Variants in TMTC1 observed in about 807,000 individuals in gnomAD.
TMTC1 encodes the protein protein O-mannosyl-transferase TMTC1.
A neutral mutation model predicts 104.8 loss-of-function variants in TMTC1; 73 were observed. The ratio of observed to expected loss-of-function variants is 0.70; its 90% CI spans 0.58 to 0.85. TMTC1 has a LOEUF of 0.85. Ranked by LOEUF, TMTC1 falls within the 40% of genes least tolerant of loss-of-function variation. TMTC1 has a pLI of 0.00. For synonymous variants in TMTC1, 434 were observed against 428.7 expected (o/e 1.01, Z -0.15); for missense variants, 1,035 against 1,096.1 (o/e 0.94, Z 0.79).
intron 4 of TMTC1, among the ~76,000 whole-genome samples, chr12:29,755,258 C>T (rs1943186833): frequency 1.3e-5 from 2 of 152,106 alleles, no homozygotes; most frequent in African/African-American, 4.8e-5. Context: ...TGGGTGCCTC[C>T]TAAAACTCTT....
intron 10 of TMTC1, among the ~76,000 whole-genome samples, chr12:29,544,089 C>T (rs1473765273): frequency 6.6e-6 from 1 of 151,846 alleles, no homozygotes; most frequent in Non-Finnish European, 1.5e-5. Context: ...ACTAAAAATA[C>T]AAAAATTAGC....
At chr12:29,761,573 G>A (rs1943349121) in intron 2 of TMTC1, among the ~76,000 whole-genome samples, 1 of 62,884 alleles carries the variant, frequency 1.6e-5, no homozygotes, top group African/African-American at 5.6e-5. Flanking sequence ...ACATATCCAT[G>A]CATTTCTCGT....
chr12:29,544,069 C>A (rs1188174082), intron 10 of TMTC1, among the ~76,000 whole-genome samples: 1 of 151,998 alleles, frequency 6.6e-6, no homozygotes, highest in Non-Finnish European at 1.5e-5. Context: ...CATGGTGAAA[C>A]CCCATCTCTA....
At chr12:29,766,495 C>A (rs921229086) in intron 2 of TMTC1, among the ~76,000 whole-genome samples, 5 of 152,206 alleles carry the variant, frequency 3.3e-5, no homozygotes, top group African/African-American at 1.2e-4. Flanking sequence ...AGATGTGAAG[C>A]CCTCCTTTGG....
At position 29,609,268 on chromosome 12, in the gene TMTC1, T is replaced by C. The variant is rs535010695; in HGVS notation, c.1129-4969A>G. 2.0e-5 allele frequency among the ~76,000 whole-genome samples: 3 copies of C among 152,302 alleles called. No individual in the cohort carries two copies. In the South Asian group the frequency reaches 6.2e-4, roughly 32 times the overall value. On this transcript the variant is annotated intron_variant, in intron 6 of 17. Coordinates refer to ENST00000539277, the MANE Select transcript of TMTC1 (RefSeq NM_001193451.2). Reference sequence around the variant, plus strand: ...CTAGGATCTAGCTGTCTGCCTCCAATTTATCAATCCACAGGGAAGCTGATG... The same window carrying C: ...CTAGGATCTAGCTGTCTGCCTCCAACTTATCAATCCACAGGGAAGCTGATG...
Position 29,517,467 on chromosome 12 carries a change from G to A in TMTC1, c.2129C>T (p.Ala710Val). Residue 710 changes from alanine to valine, a missense_variant, in exon 14 of 18, where the codon GCA (alanine) becomes GTA (valine). Coordinates refer to ENST00000539277, the MANE Select transcript of TMTC1 (RefSeq NM_001193451.2). The stretch of plus-strand genomic sequence containing the variant: ...CTCCCTCTGAGAAGGCTGAAGTGCT[G>A]CAGCTTCCTGGTAAATCTGCAAAGC... ...EEALQIYQEAAALQPSQRELR... is the reference protein window; with the variant it reads ...EEALQIYQEAVALQPSQRELR... 1 of 1,614,130 alleles carries A rather than the reference G, an allele frequency of 6.2e-7. No individual in the cohort carries two copies. The highest frequency in any genetic ancestry group is 8.5e-7 in the Non-Finnish European group (1 of 1,180,020).
At chr12:29,736,429 C>CT (rs1262154553) in intron 5 of TMTC1, among the ~76,000 whole-genome samples, 7 of 151,616 alleles carry the variant, frequency 4.6e-5, no homozygotes, top group South Asian at 2.1e-4. Context: ...CTCTCTCTCT[C>CT]TTTTTTTTAA....
At chr12:29,618,603 T>A (rs1465007237) in intron 6 of TMTC1, among the ~76,000 whole-genome samples, 3 of 152,052 alleles carry the variant, frequency 2.0e-5, no homozygotes, top group Non-Finnish European at 4.4e-5. Context: ...GTTGTATTTA[T>A]CACCCTTGCA....
intron 5 of TMTC1, among the ~76,000 whole-genome samples, chr12:29,705,604 C>T (rs944835438): frequency 2.0e-5 from 3 of 152,124 alleles, no homozygotes; most frequent in African/African-American, 7.2e-5. Context: ...CTTCCCCACA[C>T]CCTTCTTTCT....
At chr12:29,778,694 G>T (rs1347486555) in intron 1 of TMTC1, among the ~76,000 whole-genome samples, 1 of 152,236 alleles carries the variant, frequency 6.6e-6, no homozygotes, top group Non-Finnish European at 1.5e-5. Context: ...GAAATTCATT[G>T]TAATTCTAAA....
At chr12:29,538,790 G>A (rs1354469176) in intron 10 of TMTC1, among the ~76,000 whole-genome samples, 1 of 152,188 alleles carries the variant, frequency 6.6e-6, no homozygotes, top group Non-Finnish European at 1.5e-5. Context: ...TCCTGTGAGA[G>A]ACTAACAGAC....
intron 5 of TMTC1, among the ~76,000 whole-genome samples, chr12:29,701,631 C>A (rs1449301933): frequency 6.6e-6 from 1 of 152,186 alleles, no homozygotes; most frequent in Non-Finnish European, 1.5e-5. Context: ...TATGTCTAAT[C>A]CCACCTTGTG....
intron 5 of TMTC1, among the ~76,000 whole-genome samples, chr12:29,665,659 A>C (rs1218292464): frequency 6.6e-6 from 1 of 152,208 alleles, no homozygotes; most frequent in Non-Finnish European, 1.5e-5. Flanking sequence ...TCTTTGTTTG[A>C]CCAAAACCTA....
intron 7 of TMTC1, among the ~76,000 whole-genome samples, chr12:29,585,625 G>T (rs1946112585): frequency 1.3e-5 from 2 of 152,162 alleles, no homozygotes; most frequent in African/African-American, 2.4e-5. Flanking sequence ...TGTATAAGAT[G>T]TAAGGAAGGG....
At chr12:29,632,281 T>C (rs868656673) in intron 6 of TMTC1, among the ~76,000 whole-genome samples, 9 of 152,096 alleles carry the variant, frequency 5.9e-5, no homozygotes, top group Middle Eastern at 3.4e-3. Context: ...CAGTTTTTCA[T>C]AAGCAAACAT....
chr12:29,570,879 A>ACCCCCCCC (rs1491187527), intron 9 of TMTC1, among the ~76,000 whole-genome samples: 1 of 120,400 alleles, frequency 8.3e-6, no homozygotes, highest in Admixed American at 8.3e-5. Flanking sequence ...AAAAACAGAA[A>ACCCCCCCC]CACCCCCCCC....
At chr12:29,645,775 G>T (rs1355654351) in intron 5 of TMTC1, among the ~76,000 whole-genome samples, 1 of 152,176 alleles carries the variant, frequency 6.6e-6, no homozygotes, top group Non-Finnish European at 1.5e-5. Flanking sequence ...ATCAGGCTCA[G>T]GTCTCCAGGT....
chr12:29,514,739 T>C (rs1943936856), intron 15 of TMTC1, 135 bp from the exon 16 acceptor site: 2 of 966,572 alleles, frequency 2.1e-6, no homozygotes, highest in Non-Finnish European at 3.0e-6. Flanking sequence ...CAATTCTTGG[T>C]CAGGCGTAGT....
At chr12:29,747,524 C>T (rs974337169) in intron 5 of TMTC1, among the ~76,000 whole-genome samples, 1 of 152,146 alleles carries the variant, frequency 6.6e-6, no homozygotes, top group African/African-American at 2.4e-5. Flanking sequence ...TGCCTGATAA[C>T]ATTTGGCCCA....
Sources: gnomAD v4.1 joint callset for allele counts (sites outside exome capture counted in the v4.1 genomes callset) on GRCh38, gnomAD v4.1.1 for gene constraint, MANE v1.5 for transcripts, NCBI Gene and HGNC (gene_info 2026-07-23, HGNC 2026-07-21) for gene names.